The following MSH4 variants were observed in gnomAD, a reference collection of about 807,000 sequenced individuals.
The protein encoded by MSH4 is mutS homolog 4.
In MSH4, 106 loss-of-function variants were observed where a neutral mutation model predicts 113.7. That is an observed-to-expected ratio of 0.93 (90% CI 0.80 to 1.10). The LOEUF (loss-of-function observed/expected upper bound fraction) is 1.10. Ranked by LOEUF, MSH4 falls within the 50% of genes least tolerant of loss-of-function variation. The pLI is 0.00. For synonymous variants in MSH4, 368 were observed against 380.2 expected (o/e 0.97, Z 0.37); for missense variants, 1,061 against 1,093.7 (o/e 0.97, Z 0.42).
chr1:75,877,744 A>G (rs1651845799), intron 10 of MSH4, among the ~76,000 whole-genome samples: 1 of 152,162 alleles, frequency 6.6e-6, no homozygotes, highest in South Asian at 2.1e-4. Flanking sequence ...ATCATATGTT[A>G]TTCTTCTCTG....
chr1:75,900,163 C>G (rs924604345), intron 19 of MSH4, among the ~76,000 whole-genome samples: 1 of 152,090 alleles, frequency 6.6e-6, no homozygotes, highest in Non-Finnish European at 1.5e-5. Flanking sequence ...ATTACTTCTA[C>G]TCTTAATTTT....
intron 9 of MSH4, among the ~76,000 whole-genome samples, chr1:75,874,205 T>C (rs1446730196): frequency 1.3e-5 from 2 of 152,244 alleles, no homozygotes; most frequent in Non-Finnish European, 2.9e-5. Context: ...ATATGTTTGT[T>C]GTCCACATGT....
At chr1:75,894,028 A>G (rs1371282868) in intron 17 of MSH4, among the ~76,000 whole-genome samples, 1 of 152,184 alleles carries the variant, frequency 6.6e-6, no homozygotes, top group Non-Finnish European at 1.5e-5. Flanking sequence ...ATCCTGGAAG[A>G]GTCCAAATGA....
intron 7 of MSH4, among the ~76,000 whole-genome samples, chr1:75,831,070 G>T (rs937191805): frequency 1.3e-5 from 2 of 152,106 alleles, no homozygotes; most frequent in Non-Finnish European, 2.9e-5. Flanking sequence ...ACACACATAG[G>T]CTCACAATAA....
intron 8 of MSH4, among the ~76,000 whole-genome samples, chr1:75,860,714 C>A (rs902617339): frequency 2.0e-5 from 3 of 152,120 alleles, no homozygotes; most frequent in African/African-American, 7.2e-5. Flanking sequence ...TCATTTCAAC[C>A]TTGGTGAATC....
intron 14 of MSH4, among the ~76,000 whole-genome samples, chr1:75,883,168 C>A (rs902259008): frequency 1.6e-5 from 2 of 125,038 alleles, no homozygotes; most frequent in Non-Finnish European, 3.4e-5. Context: ...TTACACCTGG[C>A]TAATTTTTTT....
rs5745372 is a variant in MSH4, at chr1:75,814,838, A to G, written c.700-183A>G. Among the ~76,000 whole-genome samples the G allele has an allele frequency of 2.9e-3, 442 of 152,310 alleles. 1 individual carries two copies. The highest frequency in any genetic ancestry group is 0.01 in the African/African-American group (427 of 41,580). ...TAAGGTCTAATAAGAGATACAAACT[A>G]CTATAATTCACTTAGCAAGAATAAT... On this transcript the variant is annotated intron_variant, in intron 4 of 19. Transcript: ENST00000263187.
intron 6 of MSH4, 62 bp downstream of exon 6, chr1:75,816,608 G>C (rs1372573631): frequency 2.0e-6 from 2 of 1,021,240 alleles, no homozygotes; most frequent in African/African-American, 1.7e-5. Flanking sequence ...TCTATTAATG[G>C]TAACTTTAAA....
chr1:75,890,007 A>G lies in MSH4; in HGVS notation c.2226+638A>G, dbSNP rs1652215369. Among the ~76,000 whole-genome samples the G allele has an allele frequency of 2.0e-5, 3 of 152,194 alleles. No individual in the cohort carries two copies. In the South Asian group the frequency reaches 6.2e-4, roughly 32 times the overall value. On this transcript the variant is annotated intron_variant, in intron 16 of 19. Transcript: ENST00000263187. ...AATATCTATAATAGATCGTAGCAAT[A>G]TATTAGGCACTTAAGGTATATTTTT...
intron 7 of MSH4, among the ~76,000 whole-genome samples, chr1:75,838,985 G>T (rs541750256): frequency 6.6e-6 from 1 of 152,030 alleles, no homozygotes; most frequent in East Asian, 1.9e-4. Flanking sequence ...CTTATATAAG[G>T]CTAGGACATA....
At chr1:75,798,591 C>G (rs1254278431) in intron 1 of MSH4, among the ~76,000 whole-genome samples, 1 of 143,184 alleles carries the variant, frequency 7.0e-6, no homozygotes, top group Non-Finnish European at 1.5e-5. Flanking sequence ...GAGTCTTGCT[C>G]TGTTGCCCAG....
intron 18 of MSH4, among the ~76,000 whole-genome samples, chr1:75,898,961 T>G (rs1036258996): frequency 3.3e-5 from 5 of 152,154 alleles, no homozygotes; most frequent in African/African-American, 1.2e-4. Context: ...AAGATTCAAT[T>G]AATTATCAAA....
At position 75,801,703 on chromosome 1, in the gene MSH4, GTC is replaced by G. The variant is rs1005871098; in HGVS notation, c.245-2024_245-2023del. ...AGCCTGGGCAATGTAGCAAGACCCT[GTC>G]TCTATAAAAAAAAAATTAGCTGTGT... On this transcript the variant is annotated intron_variant, in intron 1 of 19. Coordinates refer to ENST00000263187, the MANE Select transcript of MSH4 (RefSeq NM_002440.4). Among the ~76,000 whole-genome samples the G allele has an allele frequency of 2.7e-5, 4 of 150,106 alleles. No individual in the cohort carries two copies. The South Asian group carries it at 8.5e-4, about 32-fold the overall frequency.
At position 75,878,239 on chromosome 1, in the gene MSH4, C is replaced by T; in HGVS notation, c.1461C>T (p.Cys487=). The T allele has an allele frequency of 1.9e-6, 3 of 1,610,206 alleles. No individual in the cohort carries two copies. Among genetic ancestry groups the T allele is most frequent in the Non-Finnish European group, 2.5e-6 (3 of 1,178,728 alleles). ...GCCTAAACATGAGGACTCAGAAGTG[C>T]TATGCAGTGAGGTCTAACATAAATG... is the stretch of plus-strand genomic sequence containing the variant. The part of the protein sequence containing the change: ...KGCLNMRTQK[C]YAVRSNINEF... Residue 487 remains cysteine (C), a synonymous_variant, in exon 11 of 20, where the codon TGC becomes TGT. Coordinates refer to ENST00000263187, the MANE Select transcript of MSH4 (RefSeq NM_002440.4).
At chr1:75,861,375 T>C (rs1464377462) in intron 8 of MSH4, among the ~76,000 whole-genome samples, 2 of 152,226 alleles carry the variant, frequency 1.3e-5, no homozygotes, top group Admixed American at 1.3e-4. Flanking sequence ...GCCTTTCTGC[T>C]CTGGCTTCTC....
chr1:75,882,448 T>G lies in MSH4; in HGVS notation c.1906+1078T>G, dbSNP rs146128288. ...CCTCCTCCCCCCACTTCAGGTGGTATCCATAGAGACCTGATCCTTATTTAT... is the reference window on the plus strand; with the variant it reads ...CCTCCTCCCCCCACTTCAGGTGGTAGCCATAGAGACCTGATCCTTATTTAT... On this transcript the variant is annotated intron_variant, in intron 14 of 19. Transcript: ENST00000263187. Among the ~76,000 whole-genome samples the G allele has an allele frequency of 5.3e-5, 8 of 152,152 alleles. No individual in the cohort carries two copies. The East Asian group carries it at 1.5e-3, about 29-fold the overall frequency.
intron 12 of MSH4, among the ~76,000 whole-genome samples, chr1:75,879,525 C>T (rs577130177): frequency 3.6e-4 from 55 of 152,250 alleles, no homozygotes; most frequent in African/African-American, 1.3e-3. Context: ...AATAATTTTT[C>T]CTATATAGCT....
chr1:75,832,357 CA>C (rs1234938614), intron 7 of MSH4, among the ~76,000 whole-genome samples: 2 of 152,142 alleles, frequency 1.3e-5, no homozygotes, highest in Non-Finnish European at 2.9e-5. Context: ...ACCAGAGTTA[CA>C]AGGAGGAGCT....
intron 7 of MSH4, among the ~76,000 whole-genome samples, chr1:75,823,643 C>G (rs1256352824): frequency 1.3e-5 from 2 of 152,158 alleles, no homozygotes; most frequent in Non-Finnish European, 2.9e-5. Flanking sequence ...CACCCACTGA[C>G]AGGCCCCAGT....
Sources: allele counts gnomAD v4.1 joint callset (sites outside exome capture counted in the v4.1 genomes callset), GRCh38; gene constraint gnomAD v4.1.1; transcripts MANE v1.5; gene names NCBI Gene and HGNC (gene_info 2026-07-23, HGNC 2026-07-21).